EML4: variants seen among roughly 807,000 people sequenced by gnomAD.
EML4 encodes the protein EMAP like 4, also known as echinoderm microtubule-associated protein-like 4.
In EML4, 72 loss-of-function variants were observed where a neutral mutation model predicts 129.0. The ratio of observed to expected loss-of-function variants is 0.56; its 90% CI spans 0.46 to 0.68. The LOEUF (loss-of-function observed/expected upper bound fraction) is 0.68, where lower values mean the gene tolerates loss of function less well. Among genes scored for constraint, EML4 ranks in the 30% least tolerant of loss-of-function variants. EML4 has a pLI of 0.00. For missense variants in EML4, 1,363 were observed against 1,190.6 expected (o/e 1.14, Z -2.13); for synonymous variants, 532 against 405.0 (o/e 1.31, Z -3.77).
chr2:42,169,561 G>T lies in EML4; in HGVS notation c.-51G>T, dbSNP rs756558499. ...GCGTCGGCCACTCTGTCGGTCCGCT[G>T]AATGAAGTGCCCGCCCCTCTAAGCC... On this transcript the variant is annotated 5_prime_UTR_variant, in exon 1 of 23. Transcript: ENST00000318522. 1 of 1,584,990 alleles carries T rather than the reference G, an allele frequency of 6.3e-7. No homozygotes were observed. Among genetic ancestry groups the T allele is most frequent in the East Asian group, 2.3e-5 (1 of 42,952 alleles).
chr2:42,225,878 C>G (rs915187509), intron 1 of EML4, among the ~76,000 whole-genome samples: 2 of 151,982 alleles, frequency 1.3e-5, no homozygotes, highest in African/African-American at 2.4e-5. Context: ...GAGAAGAAAG[C>G]AAGTTGAATT....
intron 1 of EML4, among the ~76,000 whole-genome samples, chr2:42,226,129 A>T (rs1314087632): frequency 6.6e-6 from 1 of 152,106 alleles, no homozygotes; most frequent in Non-Finnish European, 1.5e-5. Context: ...GGACTAGAAA[A>T]ATAGTTACCA....
At chr2:42,181,848 ATTT>A (rs1670962903) in intron 1 of EML4, among the ~76,000 whole-genome samples, 3 of 152,162 alleles carry the variant, frequency 2.0e-5, no homozygotes, top group African/African-American at 7.2e-5. Context: ...GGAGAAAGGT[ATTT>A]AGAAACCAAG....
rs1669956761 is a variant in EML4, at chr2:42,328,978, A to G, written c.2434A>G (p.Lys812Glu). The G allele has an allele frequency of 1.9e-6, 3 of 1,613,126 alleles. No individual in the cohort carries two copies. The highest frequency in any genetic ancestry group is 1.3e-5 in the African/African-American group (1 of 74,902). ...KVIAVADDFC[K>E]VHLFQYPCSK... is the part of the protein sequence containing the mutation. ...GATAGCTGTTGCCGATGACTTTTGT[A>G]AAGTCCATCTGTTTCAGTATCCCTG... The change falls in exon 22 of 23, where the codon AAA (lysine) becomes GAA (glutamate). Residue 812 changes from lysine to glutamate, a missense_variant. By Grantham distance (56) the Lys-to-Glu change is moderately conservative. Coordinates refer to ENST00000318522, the MANE Select transcript of EML4 (RefSeq NM_019063.5).
intron 11 of EML4, 29 bp from the exon 12 acceptor site, chr2:42,295,096 C>A: frequency 6.3e-7 from 1 of 1,588,200 alleles, no homozygotes; most frequent in Non-Finnish European, 8.6e-7. Context: ...GATATACATT[C>A]ATCTAAAGCT....
At chr2:42,281,805 T>C (rs913573519) in intron 7 of EML4, among the ~76,000 whole-genome samples, 3 of 152,032 alleles carry the variant, frequency 2.0e-5, no homozygotes, top group Non-Finnish European at 4.4e-5. Context: ...TTCACTTCTT[T>C]TAGAACCTCC....
At chr2:42,246,108 C>G (rs768913112) in intron 2 of EML4, among the ~76,000 whole-genome samples, 1 of 152,140 alleles carries the variant, frequency 6.6e-6, no homozygotes, top group Non-Finnish European at 1.5e-5. Context: ...TCTGAACCCT[C>G]TGTGGTTGTT....
chr2:42,281,897 C>T (rs1440536797), intron 7 of EML4, among the ~76,000 whole-genome samples: 1 of 152,178 alleles, frequency 6.6e-6, no homozygotes, highest in Non-Finnish European at 1.5e-5. Context: ...TCCCACGTCC[C>T]TTGAATTATT....
intron 1 of EML4, among the ~76,000 whole-genome samples, chr2:42,182,894 TAC>T (rs1243963964): frequency 1.3e-5 from 2 of 152,206 alleles, no homozygotes; most frequent in African/African-American, 4.8e-5. Context: ...TCTTTGTGTG[TAC>T]ATATCACTGG....
At chr2:42,242,079 A>G (rs1440417665) in intron 1 of EML4, among the ~76,000 whole-genome samples, 1 of 152,176 alleles carries the variant, frequency 6.6e-6, no homozygotes, top group Non-Finnish European at 1.5e-5. Flanking sequence ...CATTTTTTAA[A>G]AAATCAAAGT....
intron 1 of EML4, among the ~76,000 whole-genome samples, chr2:42,200,587 C>G (rs1420362781): frequency 1.3e-5 from 2 of 152,222 alleles, no homozygotes; most frequent in African/African-American, 4.8e-5. Flanking sequence ...AACTCCCTTT[C>G]TCCAGTTGAA....
chr2:42,267,854 A>G (rs1177897769), intron 6 of EML4, among the ~76,000 whole-genome samples: 2 of 152,184 alleles, frequency 1.3e-5, no homozygotes, highest in African/African-American at 2.4e-5. Flanking sequence ...TACAGCAGAG[A>G]TAAAGTCCTA....
chr2:42,276,356 C>T (rs937350737), intron 6 of EML4, among the ~76,000 whole-genome samples: 4 of 152,154 alleles, frequency 2.6e-5, no homozygotes, highest in Non-Finnish European at 5.9e-5. Flanking sequence ...GCTGCTCCCT[C>T]GCTGAGATGG....
chr2:42,229,189 T>G (rs1674167465), intron 1 of EML4, among the ~76,000 whole-genome samples: 1 of 152,148 alleles, frequency 6.6e-6, no homozygotes, highest in Non-Finnish European at 1.5e-5. Flanking sequence ...TAGCTAACAT[T>G]TATAAAAAGG....
intron 19 of EML4, chr2:42,319,993 C>T (rs1024522845): frequency 6.6e-6 from 1 of 152,136 alleles, no homozygotes; most frequent in Non-Finnish European, 1.5e-5. Flanking sequence ...AATCTTATAA[C>T]TTACAATCTA....
At chr2:42,272,285 C>T (rs72798513) in intron 6 of EML4, among the ~76,000 whole-genome samples, 7,202 of 152,170 alleles carry the variant, frequency 0.047, 217 homozygotes, top group Non-Finnish European at 0.072. Context: ...TGCCACGTCC[C>T]TGAACTACAC....
chr2:42,324,138 T>C (rs1279231520), intron 19 of EML4, among the ~76,000 whole-genome samples: 1 of 150,290 alleles, frequency 6.7e-6, no homozygotes, highest in Non-Finnish European at 1.5e-5. Context: ...GTACTAAAAA[T>C]AGAAAAAATT....
chr2:42,271,197 T>C (rs1189873028), intron 6 of EML4, among the ~76,000 whole-genome samples: 1 of 152,192 alleles, frequency 6.6e-6, no homozygotes, highest in Non-Finnish European at 1.5e-5. Context: ...CCTGGCTAGT[T>C]CTAAAATTTA....
rs557263041 is a variant in EML4 at position 42,171,336 on chromosome 2, G to A, written c.25+1700G>A. 2.1e-4 allele frequency among the ~76,000 whole-genome samples: 32 copies of A among 152,296 alleles called. 1 individual carries two copies. The South Asian group carries it at 6.4e-3, about 31-fold the overall frequency. On this transcript the variant is annotated intron_variant, in intron 1 of 22. Transcript: ENST00000318522. ...ATTGGGTCCTCATCCTGTAGGAGTG[G>A]TGAGATCACTTTAACTTCTTTCGTG...
Sources: allele counts gnomAD v4.1 joint callset (sites outside exome capture counted in the v4.1 genomes callset), GRCh38; gene constraint gnomAD v4.1.1; transcripts MANE v1.5; gene names NCBI Gene and HGNC (gene_info 2026-07-23, HGNC 2026-07-21).